AFG2B: variants seen among roughly 807,000 people sequenced by gnomAD.
The protein encoded by AFG2B is ATPase family gene 2 protein homolog B.
the AFG2B span, among the ~76,000 whole-genome samples, chr15:45,407,728 AGTTT>A: frequency 6.6e-6 from 1 of 152,210 alleles, no homozygotes; most frequent in African/African-American, 2.4e-5. Flanking sequence ...AAGAAAAGAC[AGTTT>A]GTTTTTGAAA....
chr15:45,402,590 G>A, the AFG2B span: 7 of 1,569,462 alleles, frequency 4.5e-6, no homozygotes, highest in East Asian at 4.8e-5. Flanking sequence ...CTACCCGACG[G>A]CGGCTCCTGC....
At chr15:45,403,052 C>A in the AFG2B span, 1 of 1,553,284 alleles carries the variant, frequency 6.4e-7, no homozygotes, top group Non-Finnish European at 8.6e-7. Context: ...CTTTCGGAGG[C>A]GGCCGACTCG....
chr15:45,414,652 C>T, the AFG2B span: 12 of 1,613,988 alleles, frequency 7.4e-6, no homozygotes, highest in Admixed American at 1.7e-5. Context: ...CCTCTATGGG[C>T]CCCCTGGATG....
chr15:45,420,936 G>A, the AFG2B span: 1 of 1,098,970 alleles, frequency 9.1e-7, no homozygotes, highest in Non-Finnish European at 1.3e-6. Context: ...AGGTTGCAGT[G>A]AGTCCAGATC....
the AFG2B span, among the ~76,000 whole-genome samples, chr15:45,409,716 T>TA: frequency 1.3e-5 from 2 of 150,056 alleles, no homozygotes; most frequent in African/African-American, 4.9e-5. Context: ...AATATATATA[T>TA]TTTTTTAATT....
the AFG2B span, among the ~76,000 whole-genome samples, chr15:45,419,213 C>G: frequency 6.6e-6 from 1 of 152,024 alleles, no homozygotes. Context: ...TTTGGGAGGC[C>G]AAGGCGAGAG....
At chr15:45,407,389 G>A in the AFG2B span, among the ~76,000 whole-genome samples, 1 of 152,110 alleles carries the variant, frequency 6.6e-6, no homozygotes, top group Non-Finnish European at 1.5e-5. Context: ...CACACAGAGG[G>A]GAAAGAATGT....
At chr15:45,419,219 G>A in the AFG2B span, among the ~76,000 whole-genome samples, 5 of 152,088 alleles carry the variant, frequency 3.3e-5, no homozygotes, top group Non-Finnish European at 5.9e-5. Flanking sequence ...AGGCCAAGGC[G>A]AGAGGATTGC....
chr15:45,409,013 T>G, the AFG2B span, among the ~76,000 whole-genome samples: 1 of 152,186 alleles, frequency 6.6e-6, no homozygotes, highest in African/African-American at 2.4e-5. Context: ...CATTTTGAAT[T>G]GAAGAAATTT....
At chr15:45,408,026 G>C in the AFG2B span, among the ~76,000 whole-genome samples, 4 of 152,160 alleles carry the variant, frequency 2.6e-5, no homozygotes, top group Non-Finnish European at 4.4e-5. Context: ...AAAGTAGTCA[G>C]ACTAGGAAAA....
chr15:45,413,173 G>A, the AFG2B span, among the ~76,000 whole-genome samples: 1 of 152,008 alleles, frequency 6.6e-6, no homozygotes, highest in Non-Finnish European at 1.5e-5. Flanking sequence ...TGCCTTTCTG[G>A]CCACCCTCTC....
chr15:45,409,537 T>C, the AFG2B span, among the ~76,000 whole-genome samples: 1 of 152,098 alleles, frequency 6.6e-6, no homozygotes, highest in East Asian at 1.9e-4. Flanking sequence ...AACCCAGTAA[T>C]TCTACTTTGA....
chr15:45,403,238 T>A, the AFG2B span: 7 of 1,549,098 alleles, frequency 4.5e-6, no homozygotes, highest in Admixed American at 1.0e-4. Flanking sequence ...GCCCCGGCGC[T>A]GCAGGGTTCC....
the AFG2B span, chr15:45,402,438 G>A: frequency 5.0e-6 from 8 of 1,602,548 alleles, no homozygotes; most frequent in East Asian, 1.2e-4. Flanking sequence ...CGATGGCTCC[G>A]GACTCGGATC....
At chr15:45,419,206 G>C in the AFG2B span, among the ~76,000 whole-genome samples, 2 of 152,184 alleles carry the variant, frequency 1.3e-5, no homozygotes, top group African/African-American at 4.8e-5. Context: ...CCAGCATTTT[G>C]GGAGGCCAAG....
the AFG2B span, chr15:45,415,976 A>G: frequency 1.3e-5 from 6 of 448,780 alleles, no homozygotes; most frequent in Non-Finnish European, 2.3e-5. Context: ...TTGGCTAGGA[A>G]AGGTGAGGTA....
the AFG2B span, chr15:45,417,365 A>G: frequency 6.2e-7 from 1 of 1,614,118 alleles, no homozygotes; most frequent in Non-Finnish European, 8.5e-7. Context: ...GGAAGATTAG[A>G]TAAGATCATC....
At chr15:45,417,643 C>T in the AFG2B span, 1 of 378,168 alleles carries the variant, frequency 2.6e-6, no homozygotes, top group South Asian at 4.3e-5. Context: ...TGAGTCTACT[C>T]AGCGTTATTT....
chr15:45,407,302 G>A, the AFG2B span: 1 of 1,086,554 alleles, frequency 9.2e-7, no homozygotes, highest in Non-Finnish European at 1.2e-6. Flanking sequence ...GGCAGATAAG[G>A]GATACCTTAC....
Sources: allele counts gnomAD v4.1 joint callset (sites outside exome capture counted in the v4.1 genomes callset), GRCh38; gene constraint gnomAD v4.1.1; transcripts MANE v1.5; gene names NCBI Gene and HGNC (gene_info 2026-07-23, HGNC 2026-07-21).